Variants in RANBP2 observed in about 807,000 individuals in gnomAD.
RANBP2 encodes the protein E3 SUMO-protein ligase RanBP2.
RANBP2 carries 57 observed loss-of-function variants against 303.6 expected under a neutral mutation model. The observed-to-expected ratio is 0.19, with a 90% confidence interval of 0.15 to 0.23. The LOEUF (loss-of-function observed/expected upper bound fraction) is 0.23. Ranked by LOEUF, RANBP2 falls within the 10% of genes least tolerant of loss-of-function variation. The probability of loss-of-function intolerance (pLI) is 1.00; values close to 1 mark genes in which losing one functional copy is unlikely to be tolerated. For missense variants in RANBP2, 3,138 were observed against 3,780.8 expected (o/e 0.83, Z 4.46); for synonymous variants, 1,167 against 1,301.5 (o/e 0.90, Z 2.23).
chr2:109,319,727 G>A, the RANBP2 span, among the ~76,000 whole-genome samples: 2 of 152,244 alleles, frequency 1.3e-5, no homozygotes, highest in African/African-American at 4.8e-5. Context: ...GTGGGCAGGT[G>A]CAGCCTGCCT....
At chr2:109,269,355 T>C in the RANBP2 span, among the ~76,000 whole-genome samples, 27 of 152,228 alleles carry the variant, frequency 1.8e-4, 1 homozygote, top group South Asian at 5.4e-3. Context: ...AGAGGGAGCC[T>C]CCCCACACAC....
At chr2:109,687,630 T>C in the RANBP2 span, among the ~76,000 whole-genome samples, 1 of 152,104 alleles carries the variant, frequency 6.6e-6, no homozygotes, top group Non-Finnish European at 1.5e-5. Context: ...CACCTGCCCC[T>C]GTGAGGAGAA....
At chr2:109,204,866 A>G in the RANBP2 span, among the ~76,000 whole-genome samples, 1 of 152,178 alleles carries the variant, frequency 6.6e-6, no homozygotes, top group South Asian at 2.1e-4. Flanking sequence ...GCTAAACTAA[A>G]GGCTTTTTTG....
chr2:109,333,328 A>G, the RANBP2 span, among the ~76,000 whole-genome samples: 4 of 152,246 alleles, frequency 2.6e-5, no homozygotes, highest in Non-Finnish European at 5.9e-5. Flanking sequence ...TGAAATGCAC[A>G]AGAAACTGAA....
At chr2:108,955,320 A>G in the RANBP2 span, among the ~76,000 whole-genome samples, 10 of 152,368 alleles carry the variant, frequency 6.6e-5, no homozygotes, top group East Asian at 1.9e-3. Flanking sequence ...AATGCAAGGT[A>G]ATATAATTAT....
At chr2:108,872,708 C>G in the RANBP2 span, among the ~76,000 whole-genome samples, 4 of 152,040 alleles carry the variant, frequency 2.6e-5, no homozygotes, top group African/African-American at 4.8e-5. Flanking sequence ...GGCGGTGGAG[C>G]CTCATGGCCT....
chr2:108,800,015 A>G, the RANBP2 span, among the ~76,000 whole-genome samples: 4 of 152,122 alleles, frequency 2.6e-5, no homozygotes, highest in African/African-American at 9.6e-5. Context: ...ATCTATATAT[A>G]TTTACTTTTA....
At chr2:109,051,850 G>A in the RANBP2 span, among the ~76,000 whole-genome samples, 1 of 151,674 alleles carries the variant, frequency 6.6e-6, no homozygotes, top group South Asian at 2.1e-4. Context: ...CCAGGTTCAC[G>A]CCATTCTCCT....
the RANBP2 span, among the ~76,000 whole-genome samples, chr2:109,700,949 C>T: frequency 4.6e-5 from 7 of 152,084 alleles, no homozygotes; most frequent in Admixed American, 3.3e-4. Flanking sequence ...GGCAAAAGAG[C>T]GTTTGTGAAT....
At chr2:108,933,695 G>A in the RANBP2 span, among the ~76,000 whole-genome samples, 6 of 152,200 alleles carry the variant, frequency 3.9e-5, no homozygotes, top group Admixed American at 6.5e-5. Flanking sequence ...TGAGGAGCCA[G>A]CCACCCCAGT....
At position 108,766,492 on chromosome 2, in the gene RANBP2, A is replaced by G; in HGVS notation, c.5953A>G (p.Lys1985Glu). Residue 1985 changes from lysine (K) to glutamate (E), a missense_variant, in exon 20 of 29, where the codon AAA becomes GAA. This residue lies in a region of RANBP2 where 348 missense variants were observed against 360.4 expected (regional missense o/e 0.97). Coordinates refer to ENST00000283195, the MANE Select transcript of RANBP2 (RefSeq NM_006267.5). ...AAAATTATTCTCATCACAATACGGTAAAATGGCCAATAAAGCAAACACTTC... is the reference window on the plus strand; with the variant it reads ...AAAATTATTCTCATCACAATACGGTGAAATGGCCAATAAAGCAAACACTTC... ...GEKLFSSQYG[K>E]MANKANTSGD... 6.2e-7 allele frequency: 1 copy of G among 1,611,962 alleles called. No individual in the cohort carries two copies. Among genetic ancestry groups the G allele is most frequent in the Non-Finnish European group, 8.5e-7 (1 of 1,179,828 alleles).
At chr2:109,442,456 T>C in the RANBP2 span, among the ~76,000 whole-genome samples, 1 of 152,104 alleles carries the variant, frequency 6.6e-6, no homozygotes, top group African/African-American at 2.4e-5. Context: ...TAGATAAATA[T>C]ATAAGATGTT....
chr2:108,786,559 G>C (rs1678752938), downstream of RANBP2, among the ~76,000 whole-genome samples: 2 of 152,044 alleles, frequency 1.3e-5, no homozygotes, highest in South Asian at 4.2e-4. Context: ...CTCAACCCGT[G>C]GCACCCAGGC....
chr2:109,469,524 G>A, the RANBP2 span, among the ~76,000 whole-genome samples: 1 of 152,110 alleles, frequency 6.6e-6, no homozygotes, highest in Non-Finnish European at 1.5e-5. Context: ...TTTCATCAAA[G>A]CACAAAACTT....
the RANBP2 span, among the ~76,000 whole-genome samples, chr2:108,795,424 T>C: frequency 2.0e-5 from 3 of 152,152 alleles, no homozygotes; most frequent in Non-Finnish European, 4.4e-5. Context: ...CCCAAAGTGC[T>C]GGGATTACAG....
chr2:108,725,916 G>T (rs1459734971), intron 1 of RANBP2, among the ~76,000 whole-genome samples: 1 of 151,992 alleles, frequency 6.6e-6, no homozygotes, highest in Non-Finnish European at 1.5e-5. Flanking sequence ...AAGCATACAA[G>T]TCTCTCACCT....
At chr2:109,178,302 T>G in the RANBP2 span, among the ~76,000 whole-genome samples, 5 of 152,228 alleles carry the variant, frequency 3.3e-5, no homozygotes, top group Non-Finnish European at 7.3e-5. Context: ...AGAGCTCTTT[T>G]ATGAATGTTC....
At chr2:109,486,534 A>G in the RANBP2 span, among the ~76,000 whole-genome samples, 2 of 152,210 alleles carry the variant, frequency 1.3e-5, no homozygotes, top group African/African-American at 4.8e-5. Flanking sequence ...CAACATAATC[A>G]CCAGATATTG....
the RANBP2 span, among the ~76,000 whole-genome samples, chr2:109,012,786 A>T: frequency 7.9e-5 from 12 of 152,020 alleles, no homozygotes; most frequent in South Asian, 2.1e-4. Context: ...TGTTGGCGGG[A>T]GCCTGTAATC....
Sources: allele counts gnomAD v4.1 joint callset (sites outside exome capture counted in the v4.1 genomes callset), GRCh38; gene constraint gnomAD v4.1.1; regional missense constraint gnomAD v4.1.1; transcripts MANE v1.5; gene names NCBI Gene and HGNC (gene_info 2026-07-23, HGNC 2026-07-21).